Variants in PHKA2 observed in about 807,000 individuals in gnomAD.
PHKA2 encodes the protein phosphorylase b kinase regulatory subunit alpha, liver isoform.
A neutral mutation model predicts 102.0 loss-of-function variants in PHKA2; 31 were observed. The observed-to-expected ratio is 0.30, with a 90% CI of 0.23 to 0.41. The LOEUF (loss-of-function observed/expected upper bound fraction) is 0.41. PHKA2 is among the 10% of genes least tolerant of loss of function. The pLI is 1.00. For missense variants in PHKA2, 858 were observed against 1,023.1 expected (o/e 0.84, Z 2.20); for synonymous variants, 455 against 416.2 (o/e 1.09, Z -1.13).
intron 19 of PHKA2, among the ~76,000 whole-genome samples, chrX:18,914,332 A>C: frequency 8.9e-6 from 1 of 112,635 alleles, no homozygotes; most frequent in South Asian, 3.7e-4. Context: ...AACAAGAAAG[A>C]AGACGACAGG....
At chrX:18,909,056 T>A in intron 20 of PHKA2, 122 bp from the exon 21 acceptor site, 1 of 886,259 alleles carries the variant, frequency 1.1e-6, no homozygotes, top group Non-Finnish European at 1.6e-6. Context: ...CAGTTTTCAA[T>A]GACTTTTTGT....
At chrX:18,900,451 C>G (rs2047660168) in intron 28 of PHKA2, among the ~76,000 whole-genome samples, 1 of 111,445 alleles carries the variant, frequency 9.0e-6, no homozygotes, top group Admixed American at 9.5e-5. Flanking sequence ...ACAAAGTACC[C>G]TACAAAGCCC....
chrX:18,923,969 T>G, intron 17 of PHKA2, 87 bp downstream of exon 17: 1 of 661,955 alleles, frequency 1.5e-6, no homozygotes, highest in Non-Finnish European at 2.5e-6. Flanking sequence ...GGTTCAACAA[T>G]TAATATGAAA....
rs140760002 is a variant in PHKA2 at position 18,954,102 on chromosome X, A to G, written c.237+152T>C. On this transcript the variant is annotated intron_variant, in intron 2 of 32. Coordinates refer to ENST00000379942, the MANE Select transcript of PHKA2 (RefSeq NM_000292.3). ...AGAAAGACCAATGTGAGGTTGAGAT[A>G]ATCTAAGTACCTCCCCAAAATATTC... 4,708 of 536,480 alleles carry G rather than the reference A, an allele frequency of 8.8e-3. 18 individuals are homozygous for G. The highest frequency in any genetic ancestry group is 0.018 in the Middle Eastern group (34 of 1,861). 44.2% of individuals were successfully genotyped at this position (536,480 alleles called of 1,213,427 possible). A position where few individuals can be genotyped will look rare whatever the true frequency, so the allele number is the denominator to read the frequency against.
At chrX:18,938,925 AAAGT>A (rs1338708954) in intron 9 of PHKA2, among the ~76,000 whole-genome samples, 176 bp from the exon 10 acceptor site, 3 of 112,585 alleles carry the variant, frequency 2.7e-5, no homozygotes, top group Non-Finnish European at 5.6e-5. Flanking sequence ...AATATTTCAG[AAAGT>A]AAGTCAGAAA....
intron 31 of PHKA2, 83 bp downstream of exon 31, chrX:18,895,055 A>T: frequency 1.1e-6 from 1 of 908,676 alleles, no homozygotes; most frequent in Non-Finnish European, 1.6e-6. Flanking sequence ...GCCCAAAAGG[A>T]GCACAAGAGG....
chrX:18,961,340 T>C (rs1231112952), intron 1 of PHKA2, among the ~76,000 whole-genome samples: 2 of 112,320 alleles, frequency 1.8e-5, no homozygotes, highest in East Asian at 5.5e-4. Context: ...TATACATAGC[T>C]AATACAAGTA....
At position 18,925,615 on chromosome X, in the gene PHKA2, C is replaced by T. The variant is rs927451609; in HGVS notation, c.1569+53G>A. ...TCATATTCACAGGAGAAAAGCTTAC[C>T]AGACAGCAAAGAGAACTTAAAAAAA... On this transcript the variant is annotated intron_variant, in intron 15 of 32. Coordinates refer to ENST00000379942, the MANE Select transcript of PHKA2 (RefSeq NM_000292.3). The T allele has an allele frequency of 1.0e-5, 7 of 675,235 alleles. No individual in the cohort carries two copies. In the Admixed American group the frequency reaches 1.6e-4, roughly 15 times the overall value. The allele number at this position is 675,235 out of a possible 1,213,427, so 55.6% of individuals were successfully genotyped here. A position where few individuals can be genotyped will look rare whatever the true frequency, so the allele number is the denominator to read the frequency against.
chrX:18,938,593 ATAAT>A (rs753290472), intron 10 of PHKA2, 30 bp downstream of exon 10: 1 of 1,171,077 alleles, frequency 8.5e-7, no homozygotes, highest in South Asian at 1.8e-5. Context: ...TGGAATGAAA[ATAAT>A]TATCAACGTA....
intron 19 of PHKA2, among the ~76,000 whole-genome samples, chrX:18,914,682 A>T (rs2047990104): frequency 8.9e-6 from 1 of 112,356 alleles, no homozygotes; most frequent in Admixed American, 9.5e-5. Context: ...GGGCTCGAAG[A>T]GAGAGGGGCT....
chrX:18,895,004 T>G, intron 31 of PHKA2, 134 bp downstream of exon 31: 2 of 641,276 alleles, frequency 3.1e-6, no homozygotes, highest in Admixed American at 4.5e-5. Flanking sequence ...GTGAAGGGGC[T>G]AGACAGCTCA....
chrX:18,905,711 T>C (rs2047796699), intron 26 of PHKA2, 47 bp downstream of exon 26: 1 of 857,300 alleles, frequency 1.2e-6, no homozygotes, highest in Non-Finnish European at 1.7e-6. Flanking sequence ...CTGCTGCATG[T>C]AAAGGAGGCA....
intron 1 of PHKA2, among the ~76,000 whole-genome samples, chrX:18,970,305 G>T: frequency 8.9e-6 from 1 of 112,309 alleles, no homozygotes; most frequent in East Asian, 2.8e-4. Context: ...TGGCTAAATT[G>T]AACTAATTAA....
chrX:18,978,440 G>A (rs914713578), intron 1 of PHKA2, among the ~76,000 whole-genome samples: 5 of 111,794 alleles, frequency 4.5e-5, no homozygotes, highest in Admixed American at 2.9e-4. Flanking sequence ...GAGGCCTGGC[G>A]CGGTGGCTCA....
At position 18,975,231 on chromosome X, in the gene PHKA2, G is replaced by C. The variant is rs191467703; in HGVS notation, c.78+8624C>G. Among the ~76,000 whole-genome samples, 2 of 111,822 alleles carry C rather than the reference G, an allele frequency of 1.8e-5. 1 individual carries two copies. The highest frequency in any genetic ancestry group is 6.5e-5 in the African/African-American group (2 of 30,751). On this transcript the variant is annotated intron_variant, in intron 1 of 32. Transcript: ENST00000379942. ...ACATGTTGTAGGAGGGACCTGGTGG[G>C]AGGTAATTGAATCATGGGGGCAGGT...
intron 31 of PHKA2, 63 bp downstream of exon 31, chrX:18,895,075 A>G: frequency 2.9e-6 from 3 of 1,035,356 alleles, no homozygotes; most frequent in South Asian, 3.8e-5. Context: ...GTCAGAGTCC[A>G]TGCAATGAAG....
intron 1 of PHKA2, among the ~76,000 whole-genome samples, chrX:18,968,941 C>T (rs1156865578): frequency 1.8e-5 from 2 of 111,208 alleles, no homozygotes; most frequent in Non-Finnish European, 3.8e-5. Context: ...CATGGTAAAA[C>T]CCTGTCTCTA....
At chrX:18,940,073 G>A in intron 8 of PHKA2, 25 bp from the exon 9 acceptor site, 3 of 1,129,781 alleles carry the variant, frequency 2.7e-6, no homozygotes, top group Non-Finnish European at 3.7e-6. Context: ...TACATTCGAT[G>A]AGCTCAGAGA....
intron 19 of PHKA2, 78 bp downstream of exon 19, chrX:18,918,603 T>G: frequency 3.0e-6 from 3 of 1,008,708 alleles, no homozygotes; most frequent in Non-Finnish European, 4.2e-6. Flanking sequence ...CTAGGATTCT[T>G]TGGCTTTTAA....
Sources: gnomAD v4.1 joint callset for allele counts (sites outside exome capture counted in the v4.1 genomes callset) on GRCh38, gnomAD v4.1.1 for gene constraint, MANE v1.5 for transcripts, NCBI Gene and HGNC (gene_info 2026-07-23, HGNC 2026-07-21) for gene names.